STAU1: variants seen among roughly 807,000 people sequenced by gnomAD.
STAU1 encodes staufen double-stranded RNA binding protein 1.
Under a neutral mutation model 62.9 loss-of-function variants are expected in STAU1, and 13 were observed. The ratio of observed to expected loss-of-function variants is 0.21; its 90% CI spans 0.13 to 0.33. The LOEUF (loss-of-function observed/expected upper bound fraction) is 0.33, where lower values mean the gene tolerates loss of function less well. STAU1 is among the 10% of genes least tolerant of loss of function. The probability of loss-of-function intolerance (pLI) is 1.00; values close to 1 mark genes in which losing one functional copy is unlikely to be tolerated. For missense variants in STAU1, 571 were observed against 712.1 expected (o/e 0.80, Z 2.25); for synonymous variants, 269 against 265.1 (o/e 1.01, Z -0.14).
At chr20:49,131,452 G>A (rs1187349351) in intron 6 of STAU1, among the ~76,000 whole-genome samples, 3 of 152,180 alleles carry the variant, frequency 2.0e-5, no homozygotes, top group African/African-American at 4.8e-5. Context: ...AGAGATACAT[G>A]CTGAAATATT....
At chr20:49,209,438 TAA>T in the STAU1 span, among the ~76,000 whole-genome samples, 35 of 119,068 alleles carry the variant, frequency 2.9e-4, no homozygotes, top group Non-Finnish European at 2.7e-4. Context: ...TCTGTACAGT[TAA>T]AAAAAAAAAA....
At chr20:49,210,861 A>C in the STAU1 span, among the ~76,000 whole-genome samples, 1 of 152,320 alleles carries the variant, frequency 6.6e-6, no homozygotes, top group African/African-American at 2.4e-5. Context: ...AGTGACATTT[A>C]GTACATTCAC....
chr20:49,188,573 G>T (rs935956653), upstream of STAU1, among the ~76,000 whole-genome samples: 2 of 152,234 alleles, frequency 1.3e-5, no homozygotes, highest in Non-Finnish European at 2.9e-5. Context: ...GGGGCCTGCC[G>T]GGAGTTGTAG....
Position 49,163,954 on chromosome 20 carries a change from T to C in STAU1, c.205+2043A>G, listed in dbSNP as rs2093488158. Among the ~76,000 whole-genome samples, 3 of 151,902 alleles carry C rather than the reference T, an allele frequency of 2.0e-5. No individual in the cohort carries two copies. In the South Asian group the frequency reaches 6.2e-4, roughly 32 times the overall value. On this transcript the variant is annotated intron_variant, in intron 3 of 13. Transcript: ENST00000371856. ...TAATTTTTAAATTGGCCTCGCAGCC[T>C]GGCACAATGACTCACACCTGTAATT...
At chr20:49,135,236 A>C (rs1291532179) in intron 6 of STAU1, among the ~76,000 whole-genome samples, 3 of 152,264 alleles carry the variant, frequency 2.0e-5, no homozygotes, top group Admixed American at 1.3e-4. Flanking sequence ...CTTAATAAAA[A>C]TAAGTAACAA....
At chr20:49,124,267 G>T in intron 7 of STAU1, 108 bp downstream of exon 7, 1 of 1,126,160 alleles carries the variant, frequency 8.9e-7, no homozygotes, top group Non-Finnish European at 1.3e-6. Context: ...CTGGGGTGTG[G>T]CACGTTGGTC....
intron 6 of STAU1, among the ~76,000 whole-genome samples, chr20:49,126,236 G>C (rs1419112506): frequency 6.6e-6 from 1 of 151,726 alleles, no homozygotes; most frequent in African/African-American, 2.4e-5. Flanking sequence ...GTGTATCATG[G>C]ACATTATCAA....
At position 49,173,925 on chromosome 20, in the gene STAU1, T is replaced by C. The variant is rs1294003428; in HGVS notation, c.-85+270A>G. On this transcript the variant is annotated intron_variant, in intron 2 of 13. Transcript: ENST00000371856. ...AAAGATACTATGACCAAGAAGCTTA[T>C]TGAGCCAGTCATGTTTAATGACAGC... is the stretch of plus-strand genomic sequence containing the variant. Among the ~76,000 whole-genome samples, 4 of 152,382 alleles carry C rather than the reference T, an allele frequency of 2.6e-5. No individual in the cohort carries two copies. In the East Asian group the frequency reaches 5.8e-4, roughly 22 times the overall value.
intron 4 of STAU1, among the ~76,000 whole-genome samples, chr20:49,152,949 T>TA (rs1348098735): frequency 2.0e-5 from 3 of 151,966 alleles, no homozygotes; most frequent in African/African-American, 7.2e-5. Flanking sequence ...CCAAGAGCAG[T>TA]AGTTAAAGAA....
chr20:49,124,223 G>T, intron 7 of STAU1, 152 bp downstream of exon 7: 1 of 737,290 alleles, frequency 1.4e-6, no homozygotes, highest in Non-Finnish European at 2.3e-6. Flanking sequence ...CCTAACAGGT[G>T]GCTCTTGCAG....
chr20:49,184,773 A>C (rs974974875), intron 1 of STAU1, among the ~76,000 whole-genome samples: 42 of 152,246 alleles, frequency 2.8e-4, no homozygotes, highest in African/African-American at 9.9e-4. Flanking sequence ...TCTTTCCTAA[A>C]TCAATTTTAA....
At chr20:49,191,759 A>G (rs1748824553), upstream of STAU1, among the ~76,000 whole-genome samples, 1 of 152,174 alleles carries the variant, frequency 6.6e-6, no homozygotes, top group Non-Finnish European at 1.5e-5. Flanking sequence ...AAGACATAAA[A>G]ATATAATGGG....
chr20:49,193,457 G>A, the STAU1 span, among the ~76,000 whole-genome samples: 1 of 152,154 alleles, frequency 6.6e-6, no homozygotes, highest in African/African-American at 2.4e-5. Flanking sequence ...GGGATCACAA[G>A]GTCAAGAGAT....
the STAU1 span, among the ~76,000 whole-genome samples, chr20:49,201,199 C>T: frequency 3.7e-4 from 56 of 151,698 alleles, no homozygotes; most frequent in Non-Finnish European, 6.2e-4. Context: ...AGATATATGA[C>T]CGAATATTTC....
intron 2 of STAU1, among the ~76,000 whole-genome samples, chr20:49,168,268 A>T (rs2093552768): frequency 6.6e-6 from 1 of 151,916 alleles, no homozygotes; most frequent in Admixed American, 6.6e-5. Context: ...TTTAGCAGAG[A>T]CAGCATTTCG....
intron 3 of STAU1, among the ~76,000 whole-genome samples, chr20:49,162,003 A>C (rs561546172): frequency 6.6e-6 from 1 of 152,292 alleles, no homozygotes; most frequent in South Asian, 2.1e-4. Flanking sequence ...CTGGAATACA[A>C]GGTCTTCTGA....
intron 4 of STAU1, 138 bp from the exon 5 acceptor site, chr20:49,151,885 T>C (rs909845121): frequency 2.7e-6 from 2 of 727,458 alleles, no homozygotes; most frequent in Non-Finnish European, 4.2e-6. Flanking sequence ...TTCATCAATA[T>C]ATCCAGAGAT....
intron 6 of STAU1, among the ~76,000 whole-genome samples, chr20:49,126,574 C>CG (rs2092619080): frequency 4.0e-5 from 1 of 25,040 alleles, no homozygotes; most frequent in Admixed American, 4.4e-4. Flanking sequence ...TCTCAAAAAG[C>CG]AAAAAAAAAA....
intron 4 of STAU1, among the ~76,000 whole-genome samples, chr20:49,153,600 A>T (rs2093298681): frequency 1.3e-5 from 2 of 149,402 alleles, no homozygotes; most frequent in South Asian, 4.3e-4. Flanking sequence ...AATCCCAGCT[A>T]TTCGGGAGGC....
Sources: allele counts gnomAD v4.1 joint callset (sites outside exome capture counted in the v4.1 genomes callset), GRCh38; gene constraint gnomAD v4.1.1; transcripts MANE v1.5; gene names NCBI Gene and HGNC (gene_info 2026-07-23, HGNC 2026-07-21).